The following ADD1 variants were observed in gnomAD, a reference collection of about 807,000 sequenced individuals.
ADD1 encodes the protein alpha-adducin.
A neutral mutation model predicts 80.5 loss-of-function variants in ADD1; 24 were observed. The observed-to-expected ratio is 0.30, with a 90% confidence interval of 0.22 to 0.42. The LOEUF (loss-of-function observed/expected upper bound fraction) is 0.42. Among genes scored for constraint, ADD1 ranks in the 10% least tolerant of loss-of-function variants. The pLI, the probability that ADD1 is intolerant of heterozygous loss-of-function variation, is 1.00. For missense variants in ADD1, 948 were observed against 1,019.0 expected, an observed-to-expected ratio of 0.93 and a Z score of 0.95; for synonymous variants, 373 against 393.8, an observed-to-expected ratio of 0.95 and a Z score of 0.63.
chr4:2,855,247 C>G (rs1727889906), intron 1 of ADD1, among the ~76,000 whole-genome samples: 2 of 152,182 alleles, frequency 1.3e-5, no homozygotes, highest in Admixed American at 6.5e-5. Flanking sequence ...ACTCAGCTTA[C>G]TAAAAGAGTG....
Position 2,914,965 on chromosome 4 carries a change from C to G in ADD1, c.1873C>G (p.Pro625Ala), listed in dbSNP as rs1450211652. The G allele has an allele frequency of 1.2e-6, 2 of 1,614,046 alleles. No individual in the cohort carries two copies. Among genetic ancestry groups the G allele is most frequent in the African/African-American group, 2.7e-5 (2 of 74,924 alleles). Residue 625 changes from proline to alanine, a missense_variant, in exon 14 of 16, where the codon CCC (proline) becomes GCC (alanine). Transcript: ENST00000683351. ...HVIVSTTGPN[P>A]FTTLTDRELE... ...CATTGTGAGCACCACGGGCCCCAAC[C>G]CCTTCACCACACTCACAGACCGTGA... is the stretch of plus-strand genomic sequence containing the variant.
chr4:2,926,584 C>T lies in ADD1; in HGVS notation c.2047+472C>T, dbSNP rs1391135367. ...TTCTTCTGTAACCTGATGGCTGTGA[C>T]TGAATGCATAGATTCTCTCCTTGTG... On this transcript the variant is annotated intron_variant, in intron 15 of 15. Transcript: ENST00000683351. The surrounding 1 kb of genome is among the most constrained non-coding windows in gnomAD (Gnocchi z 5.0). The T allele has an allele frequency of 6.3e-7, 1 of 1,593,874 alleles. No homozygotes were observed.
chr4:2,899,815 T>C (rs1735876755), intron 9 of ADD1: 1 of 339,454 alleles, frequency 2.9e-6, no homozygotes, highest in Admixed American at 4.3e-5. Context: ...TAACAGCAAA[T>C]CCTGGCTGTC....
chr4:2,905,360 T>C, intron 10 of ADD1: 1 of 530,080 alleles, frequency 1.9e-6, no homozygotes, highest in Non-Finnish European at 3.3e-6. Flanking sequence ...ATAGCAAAAA[T>C]ATACAATAAT....
intron 1 of ADD1, among the ~76,000 whole-genome samples, chr4:2,856,857 C>T (rs1728156136): frequency 1.3e-5 from 2 of 151,756 alleles, no homozygotes; most frequent in African/African-American, 4.8e-5. Context: ...TCCCGAAGTG[C>T]TGGAATTACA....
In ADD1 at chr4:2,898,480, T is replaced by C. The variant is rs551701080; in HGVS notation, c.933T>C (p.Val311=). 5 of 1,614,200 alleles carry C rather than the reference T, an allele frequency of 3.1e-6. No homozygotes were observed. In the South Asian group the frequency reaches 5.5e-5, roughly 18 times the overall value. ...GGCTCGTGTCAGTTGGAGAGAGCGT[T>C]GAGGAGGCCTTCTATTACATCCATA... The part of the protein sequence containing the change: ...NHGLVSVGES[V]EEAFYYIHNL... Residue 311 remains valine (V), a synonymous_variant, in exon 8 of 16, where the codon GTT becomes GTC. Coordinates refer to ENST00000683351, the MANE Select transcript of ADD1 (RefSeq NM_001354761.2).
At chr4:2,909,315 T>C (rs754663246) in intron 12 of ADD1, 24 bp from the exon 13 acceptor site, 1 of 1,538,384 alleles carries the variant, frequency 6.5e-7, no homozygotes. Flanking sequence ...TGGTGTGCTC[T>C]GGTGACTCAG....
intron 2 of ADD1, among the ~76,000 whole-genome samples, chr4:2,879,141 A>G (rs1268185220): frequency 6.6e-6 from 1 of 152,168 alleles, no homozygotes; most frequent in African/African-American, 2.4e-5. Flanking sequence ...TGAACCAGCA[A>G]GAGTTATGAT....
chr4:2,873,129 A>T (rs1464858221), intron 1 of ADD1, among the ~76,000 whole-genome samples: 2 of 152,050 alleles, frequency 1.3e-5, no homozygotes, highest in Non-Finnish European at 2.9e-5. Context: ...AGTAGCTGAG[A>T]TTACAGGTGC....
chr4:2,869,650 A>G lies in ADD1; in HGVS notation c.-20-6246A>G, dbSNP rs1730114287. On this transcript the variant is annotated intron_variant, in intron 1 of 15. Coordinates refer to ENST00000683351, the MANE Select transcript of ADD1 (RefSeq NM_001354761.2). ...ACTTTCCCCCTGCTGATATACTGTA[A>G]GTGGAGTTCTGTCATGCACTGAGAG... Among the ~76,000 whole-genome samples, 4 of 152,112 alleles carry G rather than the reference A, an allele frequency of 2.6e-5. No individual in the cohort carries two copies. In the South Asian group the frequency reaches 8.3e-4, roughly 32 times the overall value.
chr4:2,926,480 C>T lies in ADD1; in HGVS notation c.2047+368C>T. The T allele has an allele frequency of 2.6e-6, 2 of 768,860 alleles. No individual in the cohort carries two copies. The highest frequency in any genetic ancestry group is 4.4e-6 in the Non-Finnish European group (2 of 452,258). 47.6% of individuals were successfully genotyped at this position (768,860 alleles called of 1,614,324 possible). On this transcript the variant is annotated intron_variant, in intron 15 of 15. Coordinates refer to ENST00000683351, the MANE Select transcript of ADD1 (RefSeq NM_001354761.2). This position sits in a 1 kb window ranked among gnomAD's most constrained non-coding sequence, Gnocchi z 5.0. ...CGGCTGCCTCTCAGCCACCGTGTGT[C>T]TGTGGTGTGTGATCCCGGGTGTCTG...
chr4:2,857,391 G>T (rs1010823091), intron 1 of ADD1, among the ~76,000 whole-genome samples: 1 of 152,086 alleles, frequency 6.6e-6, no homozygotes, highest in African/African-American at 2.4e-5. Flanking sequence ...TTAGAGGATC[G>T]CTTGAGCCCA....
chr4:2,909,954 A>G (rs2109092568), intron 13 of ADD1, among the ~76,000 whole-genome samples: 1 of 126,282 alleles, frequency 7.9e-6, no homozygotes, highest in African/African-American at 3.2e-5. Flanking sequence ...GATAAAATGT[A>G]TTTATTTGTA....
intron 9 of ADD1, among the ~76,000 whole-genome samples, chr4:2,903,508 A>T (rs1736535019): frequency 6.6e-6 from 1 of 152,202 alleles, no homozygotes; most frequent in African/African-American, 2.4e-5. Context: ...GACTCAGAGG[A>T]TCCACATCCA....
Position 2,923,511 on chromosome 4 carries a change from T to C in ADD1, c.1949-2503T>C, listed in dbSNP as rs147467289. Among the ~76,000 whole-genome samples, 166 of 152,280 alleles carry C rather than the reference T, an allele frequency of 1.1e-3. 1 individual carries two copies. The highest frequency in any genetic ancestry group is 3.6e-3 in the Admixed American group (55 of 15,304). On this transcript the variant is annotated intron_variant, in intron 14 of 15. Transcript: ENST00000683351. ...CAGGGAGATGAGCCAGGTACCTCAGTTGGAAATGCAGAAATCATCCACCTT... is the reference window on the plus strand; with the variant it reads ...CAGGGAGATGAGCCAGGTACCTCAGCTGGAAATGCAGAAATCATCCACCTT...
intron 13 of ADD1, among the ~76,000 whole-genome samples, chr4:2,910,193 A>C (rs1324313006): frequency 2.0e-5 from 3 of 150,832 alleles, no homozygotes; most frequent in Non-Finnish European, 4.4e-5. Flanking sequence ...GGCTGACCGC[A>C]TGGTTGAAGA....
intron 8 of ADD1, 127 bp downstream of exon 8, chr4:2,898,658 T>C: frequency 1.2e-6 from 1 of 832,114 alleles, no homozygotes; most frequent in Non-Finnish European, 2.0e-6. Flanking sequence ...AAAGATAAGC[T>C]CATGGATTTG....
At chr4:2,849,458 T>TCCACAGGTATATCTCAAAGTC (rs1470397898) in intron 1 of ADD1, among the ~76,000 whole-genome samples, 1 of 151,808 alleles carries the variant, frequency 6.6e-6, no homozygotes, top group Non-Finnish European at 1.5e-5. Context: ...GGGGACAGAG[T>TCCACAGGTATATCTCAAAGTC]CCACAGGTAT....
intron 3 of ADD1, among the ~76,000 whole-genome samples, chr4:2,882,717 G>A (rs112367674): frequency 2.7e-3 from 417 of 152,294 alleles, no homozygotes; most frequent in African/African-American, 8.8e-3. Flanking sequence ...ATTCTTAGAA[G>A]TTGAATAGCA....
Sources: allele counts gnomAD v4.1 joint callset (sites outside exome capture counted in the v4.1 genomes callset), GRCh38; gene constraint gnomAD v4.1.1; non-coding constraint Gnocchi (gnomAD v3.1); transcripts MANE v1.5; gene names NCBI Gene and HGNC (gene_info 2026-07-23, HGNC 2026-07-21).